PRRX2: variants seen among roughly 807,000 people sequenced by gnomAD.
PRRX2 encodes paired related homeobox 2.
In PRRX2, 11 loss-of-function variants were observed where a neutral mutation model predicts 18.0. The observed-to-expected ratio is 0.61, with a 90% CI of 0.39 to 1.01. The LOEUF (loss-of-function observed/expected upper bound fraction) is 1.01. PRRX2 is among the 50% of genes least tolerant of loss of function. The probability of loss-of-function intolerance (pLI) is 0.01; values close to 1 mark genes in which losing one functional copy is unlikely to be tolerated. For missense variants in PRRX2, 387 were observed against 351.0 expected (o/e 1.10, Z -0.82); for synonymous variants, 177 against 154.8 (o/e 1.14, Z -1.06).
chr9:129,699,956 A>G (rs12003505), intron 1 of PRRX2, among the ~76,000 whole-genome samples: 22,754 of 152,184 alleles, frequency 0.15, 2,313 homozygotes, highest in East Asian at 0.36. Context: ...TCCACCAGAC[A>G]GTTACAAACC....
chr9:129,703,533 G>C (rs138810115), intron 1 of PRRX2, among the ~76,000 whole-genome samples: 147 of 152,270 alleles, frequency 9.7e-4, no homozygotes, highest in African/African-American at 3.4e-3. Flanking sequence ...AGTGGTACCT[G>C]GGTTTGGTAC....
intron 1 of PRRX2, among the ~76,000 whole-genome samples, chr9:129,693,439 C>G (rs1666845645): frequency 6.6e-6 from 1 of 152,030 alleles, no homozygotes; most frequent in Non-Finnish European, 1.5e-5. Context: ...ACTAAAAATA[C>G]AAAAATTAGC....
intron 1 of PRRX2, among the ~76,000 whole-genome samples, chr9:129,677,290 C>T (rs1048889917): frequency 6.6e-6 from 1 of 152,234 alleles, no homozygotes; most frequent in Non-Finnish European, 1.5e-5. Flanking sequence ...GAAGCTTTAT[C>T]CTCATCTTAC....
intron 1 of PRRX2, among the ~76,000 whole-genome samples, chr9:129,677,768 G>A (rs1470633384): frequency 6.6e-6 from 1 of 152,232 alleles, no homozygotes; most frequent in Non-Finnish European, 1.5e-5. Flanking sequence ...CCCTGCGGGA[G>A]GAGAGTGTCA....
chr9:129,684,517 CACACACCCACACACA>C (rs1832278354), intron 1 of PRRX2, among the ~76,000 whole-genome samples: 15 of 42,968 alleles, frequency 3.5e-4, no homozygotes, highest in Admixed American at 1.5e-3. Flanking sequence ...CACACACACA[CACACACCCACACACA>C]CCCCAACAGA....
intron 1 of PRRX2, among the ~76,000 whole-genome samples, chr9:129,676,163 C>T (rs753834775): frequency 1.3e-5 from 2 of 152,174 alleles, no homozygotes; most frequent in Admixed American, 6.5e-5. Context: ...GTCATTCACC[C>T]GCTCCTTGCT....
At position 129,719,408 on chromosome 9, in the gene PRRX2, C is replaced by A. The variant is rs1832759489; in HGVS notation, c.437C>A (p.Ala146Glu). 6.5e-7 allele frequency: 1 copy of A among 1,535,720 alleles called. No homozygotes were observed. Among genetic ancestry groups the A allele is most frequent in the Non-Finnish European group, 8.8e-7 (1 of 1,141,022 alleles). Reference protein sequence around the residue: ...ELARRVNLSEARVQVWFQNRR... With the variant: ...ELARRVNLSEERVQVWFQNRR... ...GCCCGGCGCGTCAACCTCAGCGAGGCGCGCGTTCAGGTGAGCGCTCAGTCC... is the reference window on the plus strand; with the variant it reads ...GCCCGGCGCGTCAACCTCAGCGAGGAGCGCGTTCAGGTGAGCGCTCAGTCC... Residue 146 changes from alanine (A) to glutamate (E), a missense_variant, in exon 2 of 4, where the codon GCG becomes GAG. Physicochemically the swap from Ala to Glu is moderately radical, Grantham distance 107. Coordinates refer to ENST00000372469, the MANE Select transcript of PRRX2 (RefSeq NM_016307.4).
chr9:129,704,989 G>A (rs1832539433), intron 1 of PRRX2, among the ~76,000 whole-genome samples: 3 of 152,180 alleles, frequency 2.0e-5, no homozygotes, highest in South Asian at 2.1e-4. Flanking sequence ...CGATACCAGC[G>A]CCTTATTAAA....
At chr9:129,680,018 C>T (rs1009381733) in intron 1 of PRRX2, among the ~76,000 whole-genome samples, 1 of 152,058 alleles carries the variant, frequency 6.6e-6, no homozygotes, top group Non-Finnish European at 1.5e-5. Flanking sequence ...CATAATAGTA[C>T]CTGGGGTTTG....
intron 1 of PRRX2, among the ~76,000 whole-genome samples, chr9:129,690,558 G>C (rs1832349002): frequency 6.7e-6 from 1 of 149,864 alleles, no homozygotes. Context: ...CCAGGCTGGA[G>C]TGCAGTGGTG....
chr9:129,708,834 A>G (rs1421598507), intron 1 of PRRX2, among the ~76,000 whole-genome samples: 1 of 152,182 alleles, frequency 6.6e-6, no homozygotes, highest in Non-Finnish European at 1.5e-5. Context: ...ATTCATTCAG[A>G]AATATTTTTG....
intron 1 of PRRX2, among the ~76,000 whole-genome samples, chr9:129,705,317 C>G (rs1301083328): frequency 6.6e-6 from 1 of 152,200 alleles, no homozygotes; most frequent in Non-Finnish European, 1.5e-5. Flanking sequence ...TAGGGCCACG[C>G]TGGGGAGCCA....
rs759156703 is a variant in PRRX2, at chr9:129,709,363, G to A, written c.260-9868G>A. Among the ~76,000 whole-genome samples, 4 of 152,180 alleles carry A rather than the reference G, an allele frequency of 2.6e-5. No individual in the cohort carries two copies. The highest frequency in any genetic ancestry group is 5.9e-5 in the Non-Finnish European group (4 of 68,038). On this transcript the variant is annotated intron_variant, in intron 1 of 3. Coordinates refer to ENST00000372469, the MANE Select transcript of PRRX2 (RefSeq NM_016307.4). This position sits in a 1 kb window ranked among gnomAD's most constrained non-coding sequence, Gnocchi z 4.2. ...TGCCTCCAAGCAGGGCTCTGCTGAGGTTTGTGGGGGACATGAGGGAACCTC... is the reference window on the plus strand; with the variant it reads ...TGCCTCCAAGCAGGGCTCTGCTGAGATTTGTGGGGGACATGAGGGAACCTC...
intron 1 of PRRX2, among the ~76,000 whole-genome samples, chr9:129,700,519 G>A (rs144809893): frequency 1.3e-5 from 2 of 151,958 alleles, no homozygotes; most frequent in African/African-American, 4.8e-5. Flanking sequence ...TAGTAGTGAC[G>A]GGGTTTCACC....
chr9:129,672,051 G>C (rs1832106650), intron 1 of PRRX2, among the ~76,000 whole-genome samples: 1 of 152,178 alleles, frequency 6.6e-6, no homozygotes, highest in Non-Finnish European at 1.5e-5. Context: ...CAAGAATGTG[G>C]GGTCAGGCTG....
At chr9:129,699,319 G>C (rs1832466691) in intron 1 of PRRX2, among the ~76,000 whole-genome samples, 1 of 152,150 alleles carries the variant, frequency 6.6e-6, no homozygotes, top group Non-Finnish European at 1.5e-5. Flanking sequence ...AGTTGCTTGG[G>C]AGGCTGAGGT....
At chr9:129,688,052 C>T (rs569944413) in intron 1 of PRRX2, among the ~76,000 whole-genome samples, 2 of 152,022 alleles carry the variant, frequency 1.3e-5, no homozygotes, top group South Asian at 2.1e-4. Flanking sequence ...TGCACCACCA[C>T]GCCTGGCTAA....
intron 1 of PRRX2, among the ~76,000 whole-genome samples, chr9:129,678,395 C>G (rs79640675): frequency 6.6e-6 from 1 of 152,190 alleles, no homozygotes; most frequent in Non-Finnish European, 1.5e-5. Flanking sequence ...TGGCCAGGCA[C>G]AGGGGCCCCT....
At chr9:129,684,222 C>T (rs1832268094) in intron 1 of PRRX2, among the ~76,000 whole-genome samples, 1 of 152,110 alleles carries the variant, frequency 6.6e-6, no homozygotes, top group African/African-American at 2.4e-5. Flanking sequence ...TCAAGGCTGT[C>T]ACCTATGATG....
Sources: allele counts gnomAD v4.1 joint callset (sites outside exome capture counted in the v4.1 genomes callset), GRCh38; gene constraint gnomAD v4.1.1; non-coding constraint Gnocchi (gnomAD v3.1); transcripts MANE v1.5; gene names NCBI Gene and HGNC (gene_info 2026-07-23, HGNC 2026-07-21).